The following PDZRN4 variants were observed in gnomAD, a reference collection of about 807,000 sequenced individuals.
PDZRN4 encodes PDZ domain-containing RING finger protein 4.
A neutral mutation model predicts 99.0 loss-of-function variants in PDZRN4; 70 were observed. That is an observed-to-expected ratio of 0.71 (90% CI 0.58 to 0.86). PDZRN4 has a LOEUF of 0.86. Among genes scored for constraint, PDZRN4 ranks in the 40% least tolerant of loss-of-function variants. PDZRN4 has a pLI of 0.00. For synonymous variants in PDZRN4, 551 were observed against 501.6 expected, an observed-to-expected ratio of 1.10 and a Z score of -1.32; for missense variants, 1,474 against 1,331.2, an observed-to-expected ratio of 1.11 and a Z score of -1.67.
chr12:41,518,733 C>T (rs1938445099), intron 5 of PDZRN4, among the ~76,000 whole-genome samples: 1 of 151,992 alleles, frequency 6.6e-6, no homozygotes, highest in Non-Finnish European at 1.5e-5. Flanking sequence ...AGGAGCATGG[C>T]TTGAGGCCAG....
chr12:41,284,616 G>A (rs973267095), intron 3 of PDZRN4, among the ~76,000 whole-genome samples: 2 of 152,074 alleles, frequency 1.3e-5, no homozygotes, highest in African/African-American at 4.8e-5. Flanking sequence ...TACATTACAA[G>A]GCTACAGTAA....
At chr12:41,194,756 TA>T (rs1322372141) in intron 3 of PDZRN4, among the ~76,000 whole-genome samples, 1 of 152,238 alleles carries the variant, frequency 6.6e-6, no homozygotes, top group African/African-American at 2.4e-5. Context: ...TCTGTTTTAA[TA>T]ACCTGTGTTT....
intron 3 of PDZRN4, among the ~76,000 whole-genome samples, chr12:41,344,535 G>A (rs1323329955): frequency 7.1e-6 from 1 of 141,512 alleles, no homozygotes; most frequent in Non-Finnish European, 1.5e-5. Context: ...AACTACCACC[G>A]TCTAACAAAT....
intron 3 of PDZRN4, among the ~76,000 whole-genome samples, chr12:41,299,606 G>T (rs756164516): frequency 1.3e-5 from 2 of 151,734 alleles, no homozygotes; most frequent in Non-Finnish European, 2.9e-5. Context: ...TTATCTGCTC[G>T]TTCTTCTAGA....
intron 3 of PDZRN4, among the ~76,000 whole-genome samples, chr12:41,388,216 T>TA (rs975428218): frequency 3.9e-5 from 6 of 151,902 alleles, no homozygotes; most frequent in African/African-American, 1.5e-4. Flanking sequence ...CATGGATCAA[T>TA]AGAGGGAACA....
chr12:41,199,790 T>C (rs889715983), intron 3 of PDZRN4, among the ~76,000 whole-genome samples: 5 of 152,096 alleles, frequency 3.3e-5, no homozygotes, highest in African/African-American at 1.2e-4. Context: ...CATATTCTCA[T>C]TTAAAAGTGG....
intron 3 of PDZRN4, among the ~76,000 whole-genome samples, chr12:41,308,226 C>G (rs150720524): frequency 1.3e-5 from 2 of 151,914 alleles, no homozygotes; most frequent in African/African-American, 4.8e-5. Context: ...TGATAATATA[C>G]GTGTTTTTGA....
At chr12:41,492,885 G>C (rs1335257624) in intron 3 of PDZRN4, among the ~76,000 whole-genome samples, 1 of 152,106 alleles carries the variant, frequency 6.6e-6, no homozygotes, top group African/African-American at 2.4e-5. Context: ...CTTGAAAGCT[G>C]GTGTGGAAAT....
At chr12:41,277,382 G>A (rs1046948466) in intron 3 of PDZRN4, among the ~76,000 whole-genome samples, 2 of 152,146 alleles carry the variant, frequency 1.3e-5, no homozygotes, top group African/African-American at 4.8e-5. Flanking sequence ...AATAAAACGG[G>A]CGTGAGTTCT....
chr12:41,387,510 T>C (rs560105093), intron 3 of PDZRN4, among the ~76,000 whole-genome samples: 1 of 152,212 alleles, frequency 6.6e-6, no homozygotes, highest in South Asian at 2.1e-4. Context: ...GCTTGAACGC[T>C]GAACCCAGAA....
At chr12:41,463,499 T>C (rs1025209186) in intron 3 of PDZRN4, among the ~76,000 whole-genome samples, 1 of 152,072 alleles carries the variant, frequency 6.6e-6, no homozygotes, top group Admixed American at 6.6e-5. Flanking sequence ...CCCTCTACAG[T>C]ATCTAGTAGA....
rs1345947490 is a variant in PDZRN4 at position 41,518,444 on chromosome 12, AT to A, written c.1203+8534del. ...GGTTTCAGCAATTTTTCCAGATTTT[AT>A]TTAAATCATTAAGAGCTATAATTAA... On this transcript the variant is annotated intron_variant, in intron 5 of 9. Coordinates refer to ENST00000402685, the MANE Select transcript of PDZRN4 (RefSeq NM_001164595.2). Among the ~76,000 whole-genome samples the A allele has an allele frequency of 1.9e-4, 29 of 152,144 alleles. 1 individual carries two copies. The highest frequency in any genetic ancestry group is 6.7e-4 in the African/African-American group (28 of 41,536).
At chr12:41,568,891 G>A (rs567065976) in intron 9 of PDZRN4, among the ~76,000 whole-genome samples, 36 of 151,326 alleles carry the variant, frequency 2.4e-4, no homozygotes, top group African/African-American at 8.0e-4. Context: ...TGGAACCTCC[G>A]CCTCCCGGGT....
chr12:41,543,039 T>C (rs945962170), intron 5 of PDZRN4, among the ~76,000 whole-genome samples: 3 of 152,124 alleles, frequency 2.0e-5, no homozygotes, highest in African/African-American at 7.2e-5. Flanking sequence ...TAGAAATCAA[T>C]CCTAATCCAC....
At chr12:41,372,907 G>A (rs921975788) in intron 3 of PDZRN4, among the ~76,000 whole-genome samples, 2 of 152,100 alleles carry the variant, frequency 1.3e-5, no homozygotes, top group African/African-American at 4.8e-5. Flanking sequence ...GCGAAATTCA[G>A]CCCTGATATT....
At chr12:41,255,371 C>G (rs1446817507) in intron 3 of PDZRN4, among the ~76,000 whole-genome samples, 1 of 152,122 alleles carries the variant, frequency 6.6e-6, no homozygotes, top group Non-Finnish European at 1.5e-5. Flanking sequence ...TGGGGCTGTT[C>G]ATGGCCTGCT....
At chr12:41,257,984 ATAT>A (rs1174382437) in intron 3 of PDZRN4, among the ~76,000 whole-genome samples, 4 of 152,156 alleles carry the variant, frequency 2.6e-5, no homozygotes, top group Admixed American at 2.0e-4. Flanking sequence ...AGAGTAAGTA[ATAT>A]TATTATCCTT....
At position 41,402,144 on chromosome 12, in the gene PDZRN4, C is replaced by T. The variant is rs1354771124; in HGVS notation, c.844-104312C>T. On this transcript the variant is annotated intron_variant, in intron 3 of 9. Transcript: ENST00000402685. ...ATATATATATATATATATATATACA[C>T]ACACTGAGTATATATATATATATAC... Among the ~76,000 whole-genome samples, 116 of 88,732 alleles carry T rather than the reference C, an allele frequency of 1.3e-3. 1 individual carries two copies. The highest frequency in any genetic ancestry group is 0.011 in the East Asian group (23 of 2,186). The allele number at this position is 88,732 out of a possible 152,430, so 58.2% of individuals were successfully genotyped here. A position where few individuals can be genotyped will look rare whatever the true frequency, so the allele number is the denominator to read the frequency against.
At chr12:41,532,542 C>G (rs937373809) in intron 5 of PDZRN4, among the ~76,000 whole-genome samples, 10 of 152,130 alleles carry the variant, frequency 6.6e-5, no homozygotes, top group African/African-American at 2.4e-4. Flanking sequence ...TTCTTCTTTT[C>G]TCTAGGTCCT....
Sources: allele counts gnomAD v4.1 joint callset (sites outside exome capture counted in the v4.1 genomes callset), GRCh38; gene constraint gnomAD v4.1.1; transcripts MANE v1.5; gene names NCBI Gene and HGNC (gene_info 2026-07-23, HGNC 2026-07-21).